Variants in CDH4 observed in about 807,000 individuals in gnomAD.
The protein encoded by CDH4 is cadherin-4.
CDH4 carries 33 observed loss-of-function variants against 86.0 expected under a neutral mutation model. That is an observed-to-expected ratio of 0.38 (90% CI 0.29 to 0.51). The LOEUF (loss-of-function observed/expected upper bound fraction) is 0.51, where lower values mean the gene tolerates loss of function less well. Among genes scored for constraint, CDH4 ranks in the 20% least tolerant of loss-of-function variants. The pLI is 0.86. For synonymous variants in CDH4, 555 were observed against 549.4 expected (o/e 1.01, Z -0.14); for missense variants, 1,114 against 1,307.4 (o/e 0.85, Z 2.28).
At chr20:61,508,212 C>G (rs1166736962) in intron 2 of CDH4, among the ~76,000 whole-genome samples, 1 of 152,214 alleles carries the variant, frequency 6.6e-6, no homozygotes, top group East Asian at 1.9e-4. Context: ...AGTAAATATG[C>G]AAATGATTCT....
At chr20:61,837,025 C>T (rs1262901590) in intron 4 of CDH4, among the ~76,000 whole-genome samples, 1 of 152,200 alleles carries the variant, frequency 6.6e-6, no homozygotes, top group African/African-American at 2.4e-5. Context: ...GAAACCCTAT[C>T]TCTACAACAA....
intron 4 of CDH4, among the ~76,000 whole-genome samples, chr20:61,816,482 G>T (rs1347881689): frequency 1.3e-5 from 2 of 152,170 alleles, no homozygotes; most frequent in Non-Finnish European, 2.9e-5. Flanking sequence ...TTATATATGT[G>T]CAAACTGGAG....
intron 2 of CDH4, among the ~76,000 whole-genome samples, chr20:61,508,349 C>G (rs1334377029): frequency 6.6e-6 from 1 of 152,232 alleles, no homozygotes; most frequent in Non-Finnish European, 1.5e-5. Context: ...CCTCAGTGAC[C>G]GGGGCCACTT....
At chr20:61,384,934 T>C (rs2084943024) in intron 2 of CDH4, among the ~76,000 whole-genome samples, 1 of 152,210 alleles carries the variant, frequency 6.6e-6, no homozygotes, top group South Asian at 2.1e-4. Flanking sequence ...TTGTTCTAGC[T>C]CATAGTGTAA....
chr20:61,760,637 C>G (rs1049956966), intron 3 of CDH4, among the ~76,000 whole-genome samples: 2 of 152,270 alleles, frequency 1.3e-5, no homozygotes, highest in African/African-American at 4.8e-5. Flanking sequence ...ACCATGGCAG[C>G]AAGCCATGAG....
At chr20:61,282,936 G>A (rs530679979) in intron 2 of CDH4, among the ~76,000 whole-genome samples, 8 of 58,992 alleles carry the variant, frequency 1.4e-4, no homozygotes, top group East Asian at 5.3e-4. Context: ...ATTTGCACGC[G>A]TGTGCTGTGG....
intron 2 of CDH4, among the ~76,000 whole-genome samples, chr20:61,484,868 CAG>C (rs1460076951): frequency 1.3e-5 from 2 of 152,216 alleles, no homozygotes; most frequent in African/African-American, 2.4e-5. Flanking sequence ...GCTACAATGA[CAG>C]GGGCCAAACC....
At chr20:61,887,218 C>T (rs1984586183) in intron 7 of CDH4, among the ~76,000 whole-genome samples, 1 of 152,178 alleles carries the variant, frequency 6.6e-6, no homozygotes, top group African/African-American at 2.4e-5. Flanking sequence ...GCCAACCCTG[C>T]CTGGACTTCA....
At chr20:61,588,949 G>C (rs537056541) in intron 2 of CDH4, among the ~76,000 whole-genome samples, 1 of 152,160 alleles carries the variant, frequency 6.6e-6, no homozygotes, top group African/African-American at 2.4e-5. Flanking sequence ...CATTCTGTTC[G>C]TAAAAACACA....
intron 2 of CDH4, among the ~76,000 whole-genome samples, chr20:61,630,570 C>CT (rs2086877019): frequency 6.6e-6 from 1 of 152,218 alleles, no homozygotes; most frequent in Non-Finnish European, 1.5e-5. Flanking sequence ...TTGCACTGCT[C>CT]TTGCATGGGG....
intron 2 of CDH4, among the ~76,000 whole-genome samples, chr20:61,262,208 GC>G (rs1050953832): frequency 9.2e-5 from 14 of 152,204 alleles, no homozygotes; most frequent in African/African-American, 3.4e-4. Context: ...CCGGGGCGGG[GC>G]TCCCTGACGG....
intron 2 of CDH4, among the ~76,000 whole-genome samples, chr20:61,714,021 TTTTTATTTTATTTTA>T (rs373689820): frequency 0.037 from 4,994 of 135,990 alleles, 448 homozygotes; most frequent in African/African-American, 0.14. Context: ...GTCTATTCTT[TTTTTATTTTATTTTA>T]TTTTATTTTA....
chr20:61,771,490 G>A (rs1425017959), intron 3 of CDH4, among the ~76,000 whole-genome samples: 2 of 151,932 alleles, frequency 1.3e-5, no homozygotes, highest in Non-Finnish European at 2.9e-5. Context: ...CAGATGTGGT[G>A]GCGGTCTCCT....
At chr20:61,651,123 G>A (rs2087116404) in intron 2 of CDH4, among the ~76,000 whole-genome samples, 1 of 151,948 alleles carries the variant, frequency 6.6e-6, no homozygotes, top group Non-Finnish European at 1.5e-5. Context: ...CACCGTGCTT[G>A]GCCGTGCACT....
In CDH4 at chr20:61,253,356, C is replaced by T. The variant is rs1168289816; in HGVS notation, c.57+786C>T. ...CCGGATTGCCAGCTTTGCTCTGCGCCTGGCGAGGTGCGCGGCCCGCGGGGG... is the reference window on the plus strand; with the variant it reads ...CCGGATTGCCAGCTTTGCTCTGCGCTTGGCGAGGTGCGCGGCCCGCGGGGG... On this transcript the variant is annotated intron_variant, in intron 1 of 15. Coordinates refer to ENST00000614565, the MANE Select transcript of CDH4 (RefSeq NM_001794.5). Among the ~76,000 whole-genome samples the T allele has an allele frequency of 4.6e-5, 7 of 152,020 alleles. No homozygotes were observed. In the South Asian group the frequency reaches 1.2e-3, roughly 27 times the overall value.
intron 7 of CDH4, among the ~76,000 whole-genome samples, chr20:61,893,045 G>A (rs1199440280): frequency 8.6e-5 from 12 of 139,228 alleles, no homozygotes; most frequent in South Asian, 2.5e-4. Context: ...AGATGGATGG[G>A]TGGGTGAATA....
intron 2 of CDH4, among the ~76,000 whole-genome samples, chr20:61,639,265 T>C (rs764542398): frequency 6.6e-6 from 1 of 152,202 alleles, no homozygotes; most frequent in Non-Finnish European, 1.5e-5. Context: ...TGCTGTTACA[T>C]ACCCACCATT....
intron 2 of CDH4, among the ~76,000 whole-genome samples, chr20:61,613,584 A>C (rs2086702033): frequency 1.1e-5 from 1 of 88,252 alleles, no homozygotes; most frequent in African/African-American, 3.8e-5. Flanking sequence ...ATCTGGAAAA[A>C]AGGCTTCAAA....
intron 2 of CDH4, among the ~76,000 whole-genome samples, chr20:61,292,887 A>C (rs1401060619): frequency 6.6e-6 from 1 of 152,232 alleles, no homozygotes; most frequent in Non-Finnish European, 1.5e-5. Flanking sequence ...CCAGATGCAG[A>C]GGTGCCTCTG....
Sources: gnomAD v4.1 joint callset for allele counts (sites outside exome capture counted in the v4.1 genomes callset) on GRCh38, gnomAD v4.1.1 for gene constraint, MANE v1.5 for transcripts, NCBI Gene and HGNC (gene_info 2026-07-23, HGNC 2026-07-21) for gene names.